The following MAPDA variants were observed in gnomAD, a reference collection of about 807,000 sequenced individuals.
MAPDA encodes the protein N6-Methyl-AMP deaminase.
At chr15:43,351,763 G>C in the MAPDA span, 14 of 1,546,626 alleles carry the variant, frequency 9.1e-6, no homozygotes, top group East Asian at 3.4e-4. Flanking sequence ...TGATGATAAG[G>C]GTGTTTTTGC....
chr15:43,343,208 G>A, the MAPDA span: 1 of 582,670 alleles, frequency 1.7e-6, no homozygotes, highest in Non-Finnish European at 2.8e-6. Flanking sequence ...ATAAAATCAA[G>A]GACCCTGTTG....
chr15:43,344,764 C>T, the MAPDA span, among the ~76,000 whole-genome samples: 1 of 150,146 alleles, frequency 6.7e-6, no homozygotes, highest in Non-Finnish European at 1.5e-5. Context: ...TGAGATCGTG[C>T]CATTTCACTC....
At chr15:43,348,896 CCTTT>C in the MAPDA span, 3 of 1,612,764 alleles carry the variant, frequency 1.9e-6, no homozygotes, top group Admixed American at 1.7e-5. Flanking sequence ...CCTTTCCTCC[CCTTT>C]CTTTAGATTC....
chr15:43,349,101 C>A, the MAPDA span: 5 of 1,611,988 alleles, frequency 3.1e-6, no homozygotes, highest in African/African-American at 4.0e-5. Flanking sequence ...CCCCAATCCC[C>A]AGGTTGCCTG....
At chr15:43,346,928 C>T in the MAPDA span, 2 of 981,912 alleles carry the variant, frequency 2.0e-6, no homozygotes, top group Middle Eastern at 2.3e-4. Flanking sequence ...TTTTTTTCTG[C>T]CATTATGTTG....
the MAPDA span, chr15:43,343,212 C>A: frequency 1.7e-6 from 1 of 575,834 alleles, no homozygotes; most frequent in Non-Finnish European, 2.8e-6. Flanking sequence ...AATCAAGGAC[C>A]CTGTTGTTTA....
the MAPDA span, chr15:43,351,546 C>T: frequency 1.8e-6 from 1 of 543,374 alleles, no homozygotes; most frequent in Non-Finnish European, 3.2e-6. Context: ...AATATCCAGC[C>T]AGAGTTGAAA....
At chr15:43,337,034 C>A in the MAPDA span, among the ~76,000 whole-genome samples, 2 of 151,384 alleles carry the variant, frequency 1.3e-5, no homozygotes, top group Non-Finnish European at 2.9e-5. Flanking sequence ...TCTGGGAGGC[C>A]GAGGTGGGCG....
the MAPDA span, chr15:43,331,916 C>T: frequency 5.9e-5 from 9 of 152,138 alleles, no homozygotes; most frequent in African/African-American, 2.2e-4. Flanking sequence ...GCAAATACTG[C>T]ACATGCGTGT....
chr15:43,336,067 G>C, the MAPDA span, among the ~76,000 whole-genome samples: 1 of 152,042 alleles, frequency 6.6e-6, no homozygotes, highest in Non-Finnish European at 1.5e-5. Context: ...TTTGAGACAG[G>C]ATCTCACTTT....
chr15:43,354,470 C>T, the MAPDA span: 6 of 152,138 alleles, frequency 3.9e-5, no homozygotes, highest in Admixed American at 3.3e-4. Context: ...TGAAAGTGTT[C>T]ATGATAATAT....
the MAPDA span, chr15:43,343,090 C>T: frequency 2.0e-6 from 3 of 1,506,870 alleles, no homozygotes; most frequent in African/African-American, 4.3e-5. Context: ...GAAGATTGTA[C>T]CTTAGTAGTT....
At chr15:43,352,910 G>A in the MAPDA span, 1 of 151,738 alleles carries the variant, frequency 6.6e-6, no homozygotes, top group African/African-American at 2.4e-5. Flanking sequence ...GAGAATAACT[G>A]GCTGAGGGGT....
the MAPDA span, among the ~76,000 whole-genome samples, chr15:43,350,446 T>C: frequency 6.6e-6 from 1 of 152,088 alleles, no homozygotes; most frequent in Non-Finnish European, 1.5e-5. Flanking sequence ...TGGATGATTA[T>C]CTGGGTAAAA....
chr15:43,341,577 G>T, the MAPDA span, among the ~76,000 whole-genome samples: 2 of 151,948 alleles, frequency 1.3e-5, no homozygotes, highest in Non-Finnish European at 2.9e-5. Flanking sequence ...AGTGGCTCAT[G>T]CCTGTAATTC....
chr15:43,342,071 T>C, the MAPDA span, among the ~76,000 whole-genome samples: 45 of 152,230 alleles, frequency 3.0e-4, no homozygotes, highest in African/African-American at 1.1e-3. Flanking sequence ...ACTCCTGACC[T>C]CAGGTGATCG....
the MAPDA span, chr15:43,330,599 A>C: frequency 7.8e-7 from 1 of 1,280,702 alleles, no homozygotes; most frequent in Non-Finnish European, 1.0e-6. Context: ...ATGCTCCTGG[A>C]CTTCCCCTTC....
the MAPDA span, chr15:43,330,683 T>C: frequency 3.7e-5 from 20 of 536,836 alleles, no homozygotes; most frequent in Non-Finnish European, 5.0e-5. Context: ...TAGCCAGTGC[T>C]AAGTTCGCTT....
chr15:43,331,078 A>G, the MAPDA span, among the ~76,000 whole-genome samples: 1 of 152,258 alleles, frequency 6.6e-6, no homozygotes, highest in African/African-American at 2.4e-5. Flanking sequence ...TGCAAACTGA[A>G]GAAACCGACC....
Sources: gnomAD v4.1 joint callset for allele counts (sites outside exome capture counted in the v4.1 genomes callset) on GRCh38, gnomAD v4.1.1 for gene constraint, MANE v1.5 for transcripts, NCBI Gene and HGNC (gene_info 2026-07-23, HGNC 2026-07-21) for gene names.